The following TUFT1 variants were observed in gnomAD, a reference collection of about 807,000 sequenced individuals.
TUFT1 encodes tuftelin.
Under a neutral mutation model 57.8 loss-of-function variants are expected in TUFT1, and 43 were observed. The observed-to-expected ratio is 0.74, with a 90% CI of 0.58 to 0.96. The LOEUF (loss-of-function observed/expected upper bound fraction) is 0.96, where lower values mean the gene tolerates loss of function less well. TUFT1 is among the 40% of genes least tolerant of loss of function. The pLI, the probability that TUFT1 is intolerant of heterozygous loss-of-function variation, is 0.00. For synonymous variants in TUFT1, 166 were observed against 176.7 expected (o/e 0.94, Z 0.48); for missense variants, 459 against 489.0 (o/e 0.94, Z 0.58).
intron 9 of TUFT1, among the ~76,000 whole-genome samples, chr1:151,576,094 A>C (rs1666454710): frequency 6.6e-6 from 1 of 152,158 alleles, no homozygotes; most frequent in Non-Finnish European, 1.5e-5. Context: ...CTGATTTTCT[A>C]CCTAAAAGGA....
chr1:151,562,774 G>C, intron 3 of TUFT1, 88 bp downstream of exon 3: 2 of 1,173,884 alleles, frequency 1.7e-6, no homozygotes, highest in Non-Finnish European at 2.5e-6. Context: ...GTTGCCAAAG[G>C]GAGCTTGTGG....
intron 1 of TUFT1, among the ~76,000 whole-genome samples, chr1:151,543,099 G>A (rs1665218328): frequency 6.6e-6 from 1 of 152,134 alleles, no homozygotes; most frequent in South Asian, 2.1e-4. Flanking sequence ...ATCACATGTG[G>A]ACATGGACAT....
intron 1 of TUFT1, among the ~76,000 whole-genome samples, chr1:151,546,573 T>C (rs1558000603): frequency 6.6e-6 from 1 of 152,174 alleles, no homozygotes. Context: ...CTACTTTTTT[T>C]CTCTATGGAT....
At chr1:151,555,637 CGTT>C (rs1558005071) in intron 1 of TUFT1, among the ~76,000 whole-genome samples, 40 of 151,468 alleles carry the variant, frequency 2.6e-4, no homozygotes, top group African/African-American at 9.4e-4. Flanking sequence ...ATTAGCCGGA[CGTT>C]GTGGTGGGTG....
At chr1:151,562,484 C>A in intron 2 of TUFT1, 101 bp from the exon 3 acceptor site, 1 of 1,018,846 alleles carries the variant, frequency 9.8e-7, no homozygotes, top group Non-Finnish European at 1.5e-6. Flanking sequence ...TTTTGAGAAA[C>A]AGGTCTTCTG....
chr1:151,545,354 G>A (rs1464820832), intron 1 of TUFT1, among the ~76,000 whole-genome samples: 1 of 152,180 alleles, frequency 6.6e-6, no homozygotes, highest in Non-Finnish European at 1.5e-5. Flanking sequence ...TCTGACTAAG[G>A]TGGGCTCTAA....
intron 1 of TUFT1, among the ~76,000 whole-genome samples, chr1:151,560,047 C>T (rs1033936220): frequency 7.9e-5 from 12 of 151,212 alleles, no homozygotes; most frequent in East Asian, 2.0e-4. Flanking sequence ...CCTCCCACCT[C>T]GGCCTCCCAA....
At chr1:151,554,646 C>A (rs1256143365) in intron 1 of TUFT1, among the ~76,000 whole-genome samples, 2 of 149,288 alleles carry the variant, frequency 1.3e-5, no homozygotes, top group Admixed American at 6.7e-5. Context: ...GATCTACCTA[C>A]CTTGGCCTCC....
chr1:151,543,327 A>ATGTGTG (rs10626781), intron 1 of TUFT1, among the ~76,000 whole-genome samples: 2,194 of 146,830 alleles, frequency 0.015, 23 homozygotes, highest in East Asian at 0.048. Context: ...TTATATATAT[A>ATGTGTG]TGTGTGTGTG....
At chr1:151,578,526 T>C (rs1306338072) in intron 9 of TUFT1, among the ~76,000 whole-genome samples, 195 bp from the exon 10 acceptor site, 1 of 152,164 alleles carries the variant, frequency 6.6e-6, no homozygotes, top group Admixed American at 6.6e-5. Context: ...GCCAGGCTGG[T>C]CTTGAACTCC....
intron 9 of TUFT1, among the ~76,000 whole-genome samples, chr1:151,575,281 G>C (rs1183234257): frequency 6.6e-6 from 1 of 152,222 alleles, no homozygotes; most frequent in Non-Finnish European, 1.5e-5. Context: ...AGCAAGAGCT[G>C]GTGGAGCATC....
intron 1 of TUFT1, 61 bp from the exon 2 acceptor site, chr1:151,562,030 C>A: frequency 6.5e-7 from 1 of 1,537,142 alleles, no homozygotes; most frequent in Non-Finnish European, 9.0e-7. Flanking sequence ...GTACTGGTAG[C>A]AGTTTGTACC....
intron 2 of TUFT1, 33 bp from the exon 3 acceptor site, chr1:151,562,552 C>T (rs763966895): frequency 5.8e-6 from 9 of 1,553,968 alleles, no homozygotes; most frequent in Non-Finnish European, 7.1e-6. Flanking sequence ...CCATCTCTCT[C>T]TCTCTCTCTC....
intron 9 of TUFT1, 52 bp downstream of exon 9, chr1:151,575,057 G>C: frequency 1.3e-5 from 19 of 1,488,148 alleles, no homozygotes; most frequent in Non-Finnish European, 1.7e-5. Flanking sequence ...GGAGGGGAGG[G>C]CAGGCCATAC....
chr1:151,581,074 A>C, intron 12 of TUFT1, 32 bp downstream of exon 12: 4 of 1,583,978 alleles, frequency 2.5e-6, no homozygotes, highest in Non-Finnish European at 3.5e-6. Flanking sequence ...GAATGGGGCC[A>C]GGGAGGAGGG....
chr1:151,570,107 A>G (rs1023508794), intron 7 of TUFT1, among the ~76,000 whole-genome samples: 1 of 152,160 alleles, frequency 6.6e-6, no homozygotes, highest in African/African-American at 2.4e-5. Context: ...CGTGCAGGCA[A>G]GGACTGCTGC....
At chr1:151,575,055 G>A (rs1480092077) in intron 9 of TUFT1, 50 bp downstream of exon 9, 1 of 1,499,658 alleles carries the variant, frequency 6.7e-7, no homozygotes, top group Non-Finnish European at 9.1e-7. Context: ...AGGGAGGGGA[G>A]GGCAGGCCAT....
At chr1:151,566,303 T>C (rs1666077279) in intron 6 of TUFT1, 75 bp downstream of exon 6, 1 of 1,205,230 alleles carries the variant, frequency 8.3e-7, no homozygotes. Flanking sequence ...CTTTTGTTTA[T>C]TGCTTTCTCT....
intron 1 of TUFT1, among the ~76,000 whole-genome samples, chr1:151,558,514 T>G (rs1190296981): frequency 2.0e-5 from 3 of 152,106 alleles, no homozygotes; most frequent in African/African-American, 7.2e-5. Context: ...TTTTGCCAAA[T>G]TTTGAAAATT....
Sources: allele counts gnomAD v4.1 joint callset (sites outside exome capture counted in the v4.1 genomes callset), GRCh38; gene constraint gnomAD v4.1.1; transcripts MANE v1.5; gene names NCBI Gene and HGNC (gene_info 2026-07-23, HGNC 2026-07-21).